ITPR1: variants seen among roughly 807,000 people sequenced by gnomAD.
ITPR1 encodes inositol 1,4,5-trisphosphate-gated calcium channel ITPR1.
ITPR1 carries 96 observed loss-of-function variants against 318.4 expected under a neutral mutation model. The observed-to-expected ratio is 0.30, with a 90% CI of 0.26 to 0.36. The LOEUF (loss-of-function observed/expected upper bound fraction) is 0.36. Ranked by LOEUF, ITPR1 falls within the 10% of genes least tolerant of loss-of-function variation. The pLI is 1.00. For missense variants in ITPR1, 2,440 were observed against 3,460.2 expected (o/e 0.71, Z 7.40); for synonymous variants, 1,312 against 1,289.9 (o/e 1.02, Z -0.37).
rs911980822 is a variant in ITPR1 at position 4,589,890 on chromosome 3, T to A, written c.164-37873T>A. Among the ~76,000 whole-genome samples the A allele has an allele frequency of 2.6e-5, 4 of 152,184 alleles. No homozygotes were observed. The South Asian group carries it at 6.2e-4, about 24-fold the overall frequency. On this transcript the variant is annotated intron_variant, in intron 4 of 61. Transcript: ENST00000649015. ...CAGCTGTATGAGAAGACCAGGCCCC[T>A]GCCTGCCTCTGGAAGTGGGCCTATC... is the stretch of plus-strand genomic sequence containing the variant.
At chr3:4,627,328 G>A (rs2125128311) in intron 4 of ITPR1, among the ~76,000 whole-genome samples, 1 of 152,288 alleles carries the variant, frequency 6.6e-6, no homozygotes, top group South Asian at 2.1e-4. Context: ...GCCAGGCTTG[G>A]TGGCATGTGC....
At chr3:4,699,013 G>A (rs748998555) in intron 34 of ITPR1, among the ~76,000 whole-genome samples, 3 of 152,212 alleles carry the variant, frequency 2.0e-5, no homozygotes, top group Non-Finnish European at 2.9e-5. Flanking sequence ...ACAATGTTGT[G>A]TATTGGTCAG....
intron 5 of ITPR1, among the ~76,000 whole-genome samples, chr3:4,632,203 A>G (rs1425683829): frequency 6.6e-6 from 1 of 152,142 alleles, no homozygotes; most frequent in Non-Finnish European, 1.5e-5. Context: ...GCATGTATGT[A>G]TATTTAGTGC....
chr3:4,732,803 T>C (rs1236946753), intron 42 of ITPR1, among the ~76,000 whole-genome samples: 3 of 152,260 alleles, frequency 2.0e-5, no homozygotes, highest in African/African-American at 4.8e-5. Context: ...GATTTTTGTT[T>C]GTTATTGTTA....
intron 2 of ITPR1, among the ~76,000 whole-genome samples, chr3:4,512,143 GTGTTTT>G (rs2081879464): frequency 6.6e-6 from 1 of 152,072 alleles, no homozygotes; most frequent in Non-Finnish European, 1.5e-5. Context: ...CCCTGATAAT[GTGTTTT>G]TATTTTTATT....
At chr3:4,628,752 C>T (rs1312200482) in intron 5 of ITPR1, among the ~76,000 whole-genome samples, 1 of 152,184 alleles carries the variant, frequency 6.6e-6, no homozygotes, top group Admixed American at 6.5e-5. Flanking sequence ...GGCTTTGTGT[C>T]TACAACAAGG....
At chr3:4,725,094 CAT>C (rs2042411739) in intron 40 of ITPR1, among the ~76,000 whole-genome samples, 1 of 151,960 alleles carries the variant, frequency 6.6e-6, no homozygotes, top group African/African-American at 2.4e-5. Context: ...CCACAGGAGA[CAT>C]GTGGCACGTG....
chr3:4,748,956 C>T (rs115822513), intron 44 of ITPR1, among the ~76,000 whole-genome samples: 1,646 of 152,256 alleles, frequency 0.011, 13 homozygotes, highest in African/African-American at 0.018. Context: ...TTTTCCTCCG[C>T]GGGGATTTAG....
Position 4,723,108 on chromosome 3 carries a change from A to C in ITPR1, c.5137-2438A>C, listed in dbSNP as rs113811003. Among the ~76,000 whole-genome samples the C allele has an allele frequency of 3.9e-3, 593 of 152,344 alleles. 4 individuals carry two copies. The highest frequency in any genetic ancestry group is 0.014 in the African/African-American group (567 of 41,584). On this transcript the variant is annotated intron_variant, in intron 40 of 61. Coordinates refer to ENST00000649015, the MANE Select transcript of ITPR1 (RefSeq NM_001378452.1). ...GGTTGCAGTGAGCCGAGATCATGCC[A>C]CTGCACTTCAGCCTGGGAGACAGAG...
chr3:4,620,439 A>G (rs532602824), intron 4 of ITPR1, among the ~76,000 whole-genome samples: 1 of 152,220 alleles, frequency 6.6e-6, no homozygotes, highest in East Asian at 1.9e-4. Context: ...ACTGGTCCTC[A>G]TCCCACTCCT....
intron 4 of ITPR1, among the ~76,000 whole-genome samples, chr3:4,599,266 G>A (rs545339699): frequency 1.6e-4 from 25 of 152,286 alleles, no homozygotes; most frequent in Admixed American, 1.4e-3. Flanking sequence ...TGTGTTCATG[G>A]CCTTCACTCT....
chr3:4,554,024 T>C (rs567956563), intron 4 of ITPR1, among the ~76,000 whole-genome samples: 2 of 152,346 alleles, frequency 1.3e-5, no homozygotes, highest in African/African-American at 4.8e-5. Context: ...ATTACAGGTG[T>C]GAGCCACCGC....
At chr3:4,837,877 A>G (rs1412999172) in intron 61 of ITPR1, among the ~76,000 whole-genome samples, 1 of 152,142 alleles carries the variant, frequency 6.6e-6, no homozygotes, top group Non-Finnish European at 1.5e-5. Flanking sequence ...TCAGCATTTT[A>G]TGTGAGTTTC....
At chr3:4,837,115 G>A (rs2050979249) in intron 61 of ITPR1, among the ~76,000 whole-genome samples, 180 bp downstream of exon 61, 1 of 151,848 alleles carries the variant, frequency 6.6e-6, no homozygotes, top group Non-Finnish European at 1.5e-5. Context: ...CCCCTTCACT[G>A]CCCTTTTCCA....
chr3:4,601,697 G>A (rs2091298098), intron 4 of ITPR1, among the ~76,000 whole-genome samples: 1 of 152,096 alleles, frequency 6.6e-6, no homozygotes, highest in South Asian at 2.1e-4. Context: ...AAGAAAATTA[G>A]ATAAATTGCA....
chr3:4,732,100 T>C (rs1325218343), intron 42 of ITPR1, among the ~76,000 whole-genome samples: 1 of 152,098 alleles, frequency 6.6e-6, no homozygotes, highest in Non-Finnish European at 1.5e-5. Context: ...GATTAGGAGG[T>C]GGTCTTGGGG....
intron 44 of ITPR1, chr3:4,750,700 C>G (rs570519314): frequency 9.2e-5 from 14 of 152,122 alleles, no homozygotes; most frequent in Admixed American, 1.3e-4. Flanking sequence ...CTCACTCCCC[C>G]CTTCCCTGAC....
chr3:4,760,018 C>G lies in ITPR1; in HGVS notation c.5545-6512C>G, dbSNP rs77933492. ...TCTGGGACTGGTGCTGAGGATCTGC[C>G]CGCAGACCAGCTTTGTGTCTTCTGC... On this transcript the variant is annotated intron_variant, in intron 44 of 61. Transcript: ENST00000649015. Among the ~76,000 whole-genome samples the G allele has an allele frequency of 9.5e-3, 1,449 of 152,312 alleles. 24 individuals carry two copies. Among genetic ancestry groups the G allele is most frequent in the African/African-American group, 0.033 (1,367 of 41,550 alleles).
rs781081369 is a variant in ITPR1, at chr3:4,665,175, G to C, written c.1592G>C (p.Gly531Ala). ...TTACAAGCCCCATTCACAGACTGCG[G>C]TGATGGCCCAATGCTTCGGCTGGAA... ...KLLQAPFTDC[G>A]DGPMLRLEEL... Residue 531 changes from glycine to alanine, a missense_variant, in exon 17 of 62, where the codon GGT (glycine) becomes GCT (alanine). Physicochemically the swap from Gly to Ala is moderately conservative, Grantham distance 60. Coordinates refer to ENST00000649015, the MANE Select transcript of ITPR1 (RefSeq NM_001378452.1). 3 of 1,613,920 alleles carry C rather than the reference G, an allele frequency of 1.9e-6. No individual in the cohort carries two copies. Among genetic ancestry groups the C allele is most frequent in the Non-Finnish European group, 1.7e-6 (2 of 1,179,888 alleles).
Sources: gnomAD v4.1 joint callset for allele counts (sites outside exome capture counted in the v4.1 genomes callset) on GRCh38, gnomAD v4.1.1 for gene constraint, MANE v1.5 for transcripts, NCBI Gene and HGNC (gene_info 2026-07-23, HGNC 2026-07-21) for gene names.